Variants in POU2F2 observed in about 807,000 individuals in gnomAD.
POU2F2 encodes the protein POU domain, class 2, transcription factor 2.
A neutral mutation model predicts 63.5 loss-of-function variants in POU2F2; 14 were observed. The observed-to-expected ratio is 0.22, with a 90% CI of 0.15 to 0.34. The LOEUF (loss-of-function observed/expected upper bound fraction) is 0.34, where lower values mean the gene tolerates loss of function less well. POU2F2 is among the 10% of genes least tolerant of loss of function. POU2F2 has a pLI of 1.00. For synonymous variants in POU2F2, 306 were observed against 348.6 expected, an observed-to-expected ratio of 0.88 and a Z score of 1.36; for missense variants, 607 against 815.2, an observed-to-expected ratio of 0.74 and a Z score of 3.11.
intron 5 of POU2F2, among the ~76,000 whole-genome samples, chr19:42,104,096 A>C (rs762490090): frequency 6.6e-6 from 1 of 152,226 alleles, no homozygotes; most frequent in Non-Finnish European, 1.5e-5. Flanking sequence ...CAGTGAAATT[A>C]ATGTGAACAG....
chr19:42,097,521 T>G (rs2076970327), intron 7 of POU2F2, among the ~76,000 whole-genome samples: 1 of 151,528 alleles, frequency 6.6e-6, no homozygotes, highest in South Asian at 2.1e-4. Context: ...GGTATAAATT[T>G]AAGGACAGCC....
At chr19:42,190,914 C>T (rs2035068834) in intron 1 of POU2F2, among the ~76,000 whole-genome samples, 1 of 151,626 alleles carries the variant, frequency 6.6e-6, no homozygotes, top group African/African-American at 2.4e-5. Context: ...AAGTGTGTAA[C>T]CTGAAAAAAT....
At chr19:42,197,338 G>C (rs1233367804), upstream of POU2F2, among the ~76,000 whole-genome samples, 1 of 152,196 alleles carries the variant, frequency 6.6e-6, no homozygotes, top group Admixed American at 6.5e-5. Context: ...TAGGTGTCCA[G>C]TGGAACTCAG....
chr19:42,167,522 A>G (rs562987724), intron 1 of POU2F2, among the ~76,000 whole-genome samples: 38 of 152,162 alleles, frequency 2.5e-4, no homozygotes, highest in Non-Finnish European at 5.1e-4. Context: ...GAGAAGGTAG[A>G]TTTTGACAGC....
chr19:42,168,114 G>A (rs2034688635), intron 1 of POU2F2, among the ~76,000 whole-genome samples: 1 of 152,220 alleles, frequency 6.6e-6, no homozygotes, highest in South Asian at 2.1e-4. Context: ...CTGGGAGCAA[G>A]GGGAAGGTAG....
At chr19:42,190,804 G>T (rs1286617754) in intron 1 of POU2F2, among the ~76,000 whole-genome samples, 1 of 152,136 alleles carries the variant, frequency 6.6e-6, no homozygotes, top group Non-Finnish European at 1.5e-5. Context: ...TCGGAGTAAC[G>T]TCGAGGCATA....
upstream of POU2F2, among the ~76,000 whole-genome samples, chr19:42,180,267 C>T (rs1245511949): frequency 6.6e-6 from 1 of 152,182 alleles, no homozygotes; most frequent in Non-Finnish European, 1.5e-5. Flanking sequence ...AAGAGACACC[C>T]ATGAGCAGGT....
At chr19:42,174,561 A>T (rs2034835338) in intron 1 of POU2F2, among the ~76,000 whole-genome samples, 1 of 151,912 alleles carries the variant, frequency 6.6e-6, no homozygotes, top group Non-Finnish European at 1.5e-5. Flanking sequence ...GGGGACCCCC[A>T]GTACCCAACC....
intron 1 of POU2F2, among the ~76,000 whole-genome samples, chr19:42,185,265 A>T (rs971453501): frequency 6.6e-6 from 1 of 151,868 alleles, no homozygotes; most frequent in Non-Finnish European, 1.5e-5. Context: ...AGGCCTCCAC[A>T]TCTCCTGCTT....
intron 1 of POU2F2, among the ~76,000 whole-genome samples, chr19:42,192,572 T>G (rs1048501689): frequency 7.9e-5 from 12 of 152,302 alleles, no homozygotes; most frequent in African/African-American, 2.9e-4. Flanking sequence ...ATAATTCTTC[T>G]TATTTTAAGT....
rs1468724001 is a variant in POU2F2 at position 42,117,372 on chromosome 19, G to C, written c.247C>G (p.Pro83Ala). The C allele has an allele frequency of 1.3e-6, 2 of 1,525,432 alleles. No homozygotes were observed. Among genetic ancestry groups the C allele is most frequent in the Non-Finnish European group, 1.8e-6 (2 of 1,142,248 alleles). 94.5% of individuals were successfully genotyped at this position (1,525,432 alleles called of 1,614,324 possible). Residue 83 changes from proline (P) to alanine (A), a missense_variant, in exon 5 of 15, where the codon CCC becomes GCC. By Grantham distance (27) the Pro-to-Ala change is conservative. Coordinates refer to ENST00000692977, the MANE Select transcript of POU2F2 (RefSeq NM_001394376.1). This position sits in a 1 kb window ranked among gnomAD's most constrained non-coding sequence, Gnocchi z 4.4. ...FWGPGPCLSP[P>A]QIKAEDPSGD... ...CTGGGGTCTTCAGCCTTGATCTGGGGGGGAGAGAGGCAGGGTCCGGGACCC... is the reference window on the plus strand; with the variant it reads ...CTGGGGTCTTCAGCCTTGATCTGGGCGGGAGAGAGGCAGGGTCCGGGACCC...
At chr19:42,171,640 G>A (rs1412122026) in intron 1 of POU2F2, among the ~76,000 whole-genome samples, 1 of 152,178 alleles carries the variant, frequency 6.6e-6, no homozygotes, top group Non-Finnish European at 1.5e-5. Context: ...TTGTGTTTGT[G>A]AAAGTGACAG....
chr19:42,181,427 G>C (rs922272544), intron 1 of POU2F2, among the ~76,000 whole-genome samples: 1 of 152,182 alleles, frequency 6.6e-6, no homozygotes, highest in Non-Finnish European at 1.5e-5. Context: ...CTTCCTGTAC[G>C]AATGAGCTCA....
At chr19:42,146,784 T>A (rs2034243533) in intron 2 of POU2F2, among the ~76,000 whole-genome samples, 1 of 152,230 alleles carries the variant, frequency 6.6e-6, no homozygotes. Context: ...TCATGGAGGC[T>A]TCCTGCAGCC....
chr19:42,120,055 T>C (rs892922244), intron 4 of POU2F2, among the ~76,000 whole-genome samples: 4 of 152,056 alleles, frequency 2.6e-5, no homozygotes, highest in Non-Finnish European at 5.9e-5. Context: ...TAGCTGAGAC[T>C]ACAGGCATGC....
At chr19:42,160,954 G>A (rs1355768713) in intron 1 of POU2F2, among the ~76,000 whole-genome samples, 1 of 152,198 alleles carries the variant, frequency 6.6e-6, no homozygotes, top group Non-Finnish European at 1.5e-5. Context: ...CCATTCATTT[G>A]TGCATTTAGT....
intron 2 of POU2F2, among the ~76,000 whole-genome samples, chr19:42,157,924 C>T (rs968793889): frequency 2.6e-5 from 4 of 152,102 alleles, no homozygotes; most frequent in African/African-American, 9.7e-5. Flanking sequence ...AACCCCAGGG[C>T]TGGGAGGGGG....
At chr19:42,125,007 A>T (rs1406674238) in intron 1 of POU2F2, among the ~76,000 whole-genome samples, 2 of 152,228 alleles carry the variant, frequency 1.3e-5, no homozygotes, top group Non-Finnish European at 2.9e-5. Flanking sequence ...ATCAAGCTAT[A>T]CACTTAAAAT....
intron 1 of POU2F2, 77 bp downstream of exon 1, chr19:42,132,307 G>T: frequency 6.8e-7 from 1 of 1,476,176 alleles, no homozygotes. Flanking sequence ...GAGGAGGAGG[G>T]GCAGGCAGGG....
Sources: allele counts gnomAD v4.1 joint callset (sites outside exome capture counted in the v4.1 genomes callset), GRCh38; gene constraint gnomAD v4.1.1; non-coding constraint Gnocchi (gnomAD v3.1); transcripts MANE v1.5; gene names NCBI Gene and HGNC (gene_info 2026-07-23, HGNC 2026-07-21).